The following TRABD2B variants were observed in gnomAD, a reference collection of about 807,000 sequenced individuals.
TRABD2B encodes metalloprotease TIKI2.
Under a neutral mutation model 40.1 loss-of-function variants are expected in TRABD2B, and 14 were observed. The observed-to-expected ratio is 0.35, with a 90% CI of 0.23 to 0.55. TRABD2B has a LOEUF of 0.55. TRABD2B is among the 20% of genes least tolerant of loss of function. The pLI is 0.90. For synonymous variants in TRABD2B, 263 were observed against 277.0 expected, an observed-to-expected ratio of 0.95 and a Z score of 0.50; for missense variants, 541 against 648.6, an observed-to-expected ratio of 0.83 and a Z score of 1.80.
intron 2 of TRABD2B, among the ~76,000 whole-genome samples, chr1:47,863,372 T>TATATA (rs1644003823): frequency 6.0e-5 from 4 of 66,496 alleles, no homozygotes; most frequent in Non-Finnish European, 1.3e-4. Context: ...CTATATAATT[T>TATATA]TATATATATA....
At chr1:47,904,539 C>T (rs1240212113) in intron 2 of TRABD2B, among the ~76,000 whole-genome samples, 3 of 152,108 alleles carry the variant, frequency 2.0e-5, no homozygotes, top group Non-Finnish European at 4.4e-5. Flanking sequence ...ACTGCTAAAG[C>T]AGGGATTCAC....
intron 2 of TRABD2B, among the ~76,000 whole-genome samples, chr1:47,905,684 C>T (rs1292736151): frequency 1.3e-5 from 2 of 152,188 alleles, no homozygotes; most frequent in Non-Finnish European, 2.9e-5. Context: ...GTATGTCTAT[C>T]TCTCTGCCTC....
intron 2 of TRABD2B, among the ~76,000 whole-genome samples, chr1:47,912,613 T>C (rs1332740373): frequency 6.6e-6 from 1 of 152,198 alleles, no homozygotes; most frequent in African/African-American, 2.4e-5. Context: ...CAACATTTCC[T>C]GGAGTGGTGG....
At chr1:47,889,253 C>G (rs767279851) in intron 2 of TRABD2B, among the ~76,000 whole-genome samples, 1 of 152,234 alleles carries the variant, frequency 6.6e-6, no homozygotes, top group African/African-American at 2.4e-5. Context: ...GTCAGGATCG[C>G]TGGCTTGGAT....
rs936573984 is a variant in TRABD2B, at chr1:47,763,297, A to T, written c.*2605T>A. ...AGAGATCAGTGAACTTTGGCAACAG[A>T]TGTCTGACCACATTGGCTCTTGCTC... On this transcript the variant is annotated 3_prime_UTR_variant, in exon 7 of 7. Coordinates refer to ENST00000606738, the MANE Select transcript of TRABD2B (RefSeq NM_001194986.2). 1.3e-5 allele frequency: 2 copies of T among 152,200 alleles called. No homozygotes were observed. The highest frequency in any genetic ancestry group is 4.8e-5 in the African/African-American group (2 of 41,450). 9.4% of individuals were successfully genotyped at this position (152,200 alleles called of 1,614,324 possible).
chr1:47,910,785 A>T (rs868522705), intron 2 of TRABD2B, among the ~76,000 whole-genome samples: 8 of 152,238 alleles, frequency 5.3e-5, no homozygotes, highest in Middle Eastern at 3.4e-3. Flanking sequence ...CTGCATGTCG[A>T]TTCTCTCCTT....
At position 47,997,008 on chromosome 1, in the gene TRABD2B, GC is replaced by G; in HGVS notation, c.-220del. The G allele has an allele frequency of 9.3e-7, 1 of 1,079,194 alleles. No homozygotes were observed. Among genetic ancestry groups the G allele is most frequent in the Non-Finnish European group, 1.1e-6 (1 of 891,762 alleles). 66.9% of individuals were successfully genotyped at this position (1,079,194 alleles called of 1,614,324 possible). On this transcript the variant is annotated 5_prime_UTR_variant, in exon 1 of 7. Transcript: ENST00000606738. ...GAAGAGGGAGACCCTCTAGGGCTGG[GC>G]CCCTCCCCCGGGCGCTCAACCTCGC...
intron 2 of TRABD2B, among the ~76,000 whole-genome samples, chr1:47,924,428 C>T (rs72898167): frequency 0.021 from 3,238 of 152,260 alleles, 55 homozygotes; most frequent in South Asian, 0.063. Flanking sequence ...ACTCCTACCC[C>T]GGTACATGGT....
intron 2 of TRABD2B, among the ~76,000 whole-genome samples, chr1:47,891,373 T>C (rs1644443171): frequency 6.6e-6 from 1 of 152,162 alleles, no homozygotes; most frequent in African/African-American, 2.4e-5. Context: ...GCGGGGCTAC[T>C]ATGCAGGCAG....
intron 4 of TRABD2B, among the ~76,000 whole-genome samples, chr1:47,783,118 G>C (rs954645983): frequency 9.2e-5 from 14 of 152,228 alleles, no homozygotes; most frequent in Middle Eastern, 6.8e-3. Context: ...GAGAAGAGCA[G>C]AGAGATACTC....
At chr1:47,800,637 T>G (rs1284903757) in intron 3 of TRABD2B, among the ~76,000 whole-genome samples, 1 of 152,178 alleles carries the variant, frequency 6.6e-6, no homozygotes, top group Non-Finnish European at 1.5e-5. Context: ...CTAATTCAAC[T>G]GCTTCTTGAA....
Position 47,983,770 on chromosome 1 carries a change from A to G in TRABD2B, c.666+10264T>C, listed in dbSNP as rs988272006. On this transcript the variant is annotated intron_variant, in intron 2 of 6. Coordinates refer to ENST00000606738, the MANE Select transcript of TRABD2B (RefSeq NM_001194986.2). ...TGGCAAAAAAAGAAAAAAAAAAAAAAAAAGAGGAGCCAGGAACAGACTAAC... is the reference window on the plus strand; with the variant it reads ...TGGCAAAAAAAGAAAAAAAAAAAAAGAAAGAGGAGCCAGGAACAGACTAAC... Among the ~76,000 whole-genome samples the G allele has an allele frequency of 4.6e-5, 7 of 152,208 alleles. No individual in the cohort carries two copies. The South Asian group carries it at 1.0e-3, about 23-fold the overall frequency.
intron 2 of TRABD2B, among the ~76,000 whole-genome samples, chr1:47,810,162 G>A (rs1476684226): frequency 3.3e-5 from 5 of 150,392 alleles, no homozygotes; most frequent in Non-Finnish European, 7.4e-5. Flanking sequence ...GTGCGCGCGC[G>A]CGCGCGCACG....
At position 47,973,124 on chromosome 1, in the gene TRABD2B, A is replaced by G. The variant is rs565924211; in HGVS notation, c.666+20910T>C. 1.2e-3 allele frequency among the ~76,000 whole-genome samples: 186 copies of G among 152,336 alleles called. 1 individual carries two copies. Among genetic ancestry groups the G allele is most frequent in the Non-Finnish European group, 1.2e-3 (83 of 68,030 alleles). On this transcript the variant is annotated intron_variant, in intron 2 of 6. Coordinates refer to ENST00000606738, the MANE Select transcript of TRABD2B (RefSeq NM_001194986.2). ...TGGAAGTAATTCAACACAAACCAAGAGATGCTGATTTAGTGGCAGCTGGGA... is the reference window on the plus strand; with the variant it reads ...TGGAAGTAATTCAACACAAACCAAGGGATGCTGATTTAGTGGCAGCTGGGA...
chr1:47,821,119 A>G (rs1645102984), intron 2 of TRABD2B, among the ~76,000 whole-genome samples: 1 of 152,148 alleles, frequency 6.6e-6, no homozygotes, highest in Admixed American at 6.5e-5. Flanking sequence ...TCTGAGCTGA[A>G]ACGGCCTCCT....
chr1:47,799,136 C>T (rs1236839351), intron 3 of TRABD2B, among the ~76,000 whole-genome samples: 3 of 152,240 alleles, frequency 2.0e-5, no homozygotes, highest in Non-Finnish European at 2.9e-5. Context: ...CTTGCCTTCT[C>T]CTGAGGTCAC....
At chr1:47,852,601 C>T (rs77744459) in intron 2 of TRABD2B, among the ~76,000 whole-genome samples, 2,517 of 152,306 alleles carry the variant, frequency 0.017, 71 homozygotes, top group African/African-American at 0.057. Flanking sequence ...GACCAGCAGA[C>T]TCTCAAAGCA....
At chr1:47,912,742 C>T (rs543928356) in intron 2 of TRABD2B, among the ~76,000 whole-genome samples, 3 of 152,258 alleles carry the variant, frequency 2.0e-5, no homozygotes, top group Admixed American at 6.5e-5. Context: ...TCCTCCGGGG[C>T]GGCCCTTCTG....
At chr1:47,815,133 C>T (rs1161486265) in intron 2 of TRABD2B, among the ~76,000 whole-genome samples, 3 of 152,200 alleles carry the variant, frequency 2.0e-5, no homozygotes, top group Non-Finnish European at 4.4e-5. Context: ...CCCCTCCTTC[C>T]CCCTACCACA....
Sources: allele counts gnomAD v4.1 joint callset (sites outside exome capture counted in the v4.1 genomes callset), GRCh38; gene constraint gnomAD v4.1.1; transcripts MANE v1.5; gene names NCBI Gene and HGNC (gene_info 2026-07-23, HGNC 2026-07-21).